PYGM: variants seen among roughly 807,000 people sequenced by gnomAD.
The protein encoded by PYGM is glycogen phosphorylase, muscle form.
A neutral mutation model predicts 99.3 loss-of-function variants in PYGM; 81 were observed. That is an observed-to-expected ratio of 0.82 (90% CI 0.68 to 0.98). The LOEUF is 0.98. PYGM is among the 50% of genes least tolerant of loss of function. The pLI, the probability that PYGM is intolerant of heterozygous loss-of-function variation, is 0.00. For missense variants in PYGM, 1,030 were observed against 1,158.1 expected (o/e 0.89, Z 1.61); for synonymous variants, 436 against 451.5 (o/e 0.97, Z 0.44).
intron 17 of PYGM, chr11:64,747,813 C>T (rs1225720527): frequency 1.5e-5 from 4 of 260,922 alleles, no homozygotes; most frequent in Admixed American, 9.8e-5. Flanking sequence ...CCGAGGTGGG[C>T]GGATCATCTG....
chr11:64,749,678 T>A (rs923032583), intron 17 of PYGM, among the ~76,000 whole-genome samples: 12 of 151,964 alleles, frequency 7.9e-5, no homozygotes, highest in East Asian at 5.8e-4. Context: ...TAAAATAAAA[T>A]TTTTTAATGT....
In PYGM at chr11:64,746,528, TG is replaced by T; in HGVS notation, c.*130del. On this transcript the variant is annotated 3_prime_UTR_variant, in exon 20 of 20. Transcript: ENST00000164139. ...ACGCTGGACACTGGGACATTGAGAG[TG>T]GGGAAAATGAGGGTTCCAGGAGGGG... 4 of 1,276,786 alleles carry T rather than the reference TG, an allele frequency of 3.1e-6. No individual in the cohort carries two copies. Among genetic ancestry groups the T allele is most frequent in the Non-Finnish European group, 3.3e-6 (3 of 898,318 alleles). The allele number at this position is 1,276,786 out of a possible 1,614,324, so 79.1% of individuals were successfully genotyped here.
chr11:64,751,590 T>C lies in PYGM; in HGVS notation c.1827+7A>G, dbSNP rs532747. The C allele has an allele frequency of 0.11, 171,145 of 1,613,936 alleles. 12,555 individuals carry two copies. The highest frequency in any genetic ancestry group is 0.38 in the East Asian group (16,862 of 44,866). Reference sequence around the variant, plus strand: ...CGGGAGCCCAGGGCTGGAGCCTGGCTTCTCACCTTCCCTCCAATCATCACA... The same window carrying C: ...CGGGAGCCCAGGGCTGGAGCCTGGCCTCTCACCTTCCCTCCAATCATCACA... On this transcript the variant is annotated splice_region_variant and intron_variant, in intron 15 of 19. Coordinates refer to ENST00000164139, the MANE Select transcript of PYGM (RefSeq NM_005609.4).
rs1416120916 is a variant in PYGM, at chr11:64,750,378, T to A, written c.2175A>T (p.Arg725Ser). ...RVEDVDKLDQRGYNAQEYYDR... is the reference protein window; with the variant it reads ...RVEDVDKLDQSGYNAQEYYDR... ...CCCGTGAACCCTGACCCCCATACCC[T>A]CTTTGGTCAAGCTTATCCACATCCT... The change falls in exon 17 of 20, where the codon AGA (arginine) becomes AGT (serine). Residue 725 changes from arginine (R) to serine (S), a missense_variant and splice_region_variant. Transcript: ENST00000164139. 6.2e-7 allele frequency: 1 copy of A among 1,613,974 alleles called. No homozygotes were observed. Among genetic ancestry groups the A allele is most frequent in the South Asian group, 1.1e-5 (1 of 91,084 alleles).
Position 64,755,398 on chromosome 11 carries a change from G to A in PYGM, c.773-43C>T, listed in dbSNP as rs369477375. The A allele has an allele frequency of 3.0e-5, 49 of 1,611,774 alleles. No homozygotes were observed. The highest frequency in any genetic ancestry group is 1.6e-4 in the Middle Eastern group (1 of 6,084). On this transcript the variant is annotated intron_variant, in intron 6 of 19. Coordinates refer to ENST00000164139, the MANE Select transcript of PYGM (RefSeq NM_005609.4). The surrounding 1 kb of genome is among the most constrained non-coding windows in gnomAD (Gnocchi z 4.1). ...GGACAGGGTAAGGCCTGCGCTGGGC[G>A]TGGCCGGCGGGCAAGCTGGGGTTGC...
intron 5 of PYGM, among the ~76,000 whole-genome samples, chr11:64,756,811 CT>C (rs1420929817): frequency 6.6e-6 from 1 of 151,740 alleles, no homozygotes. Flanking sequence ...GGTCTTTTTG[CT>C]TTTTGAAACA....
chr11:64,751,848 T>G, intron 14 of PYGM, 76 bp downstream of exon 14: 2 of 1,589,338 alleles, frequency 1.3e-6, no homozygotes, highest in Non-Finnish European at 1.7e-6. Context: ...AAAGGAGATG[T>G]TGGTTGGGCA....
At position 64,750,548 on chromosome 11, in the gene PYGM, T is replaced by G; in HGVS notation, c.2005A>C (p.Thr669Pro). ...PAADLSEQIS[T>P]AGTEASGTGN... The stretch of plus-strand genomic sequence containing the variant: ...GTGCCTGAGGCTTCAGTGCCCGCAG[T>G]GGAGATCTGCTCAGAGAGGTCTGCA... Residue 669 changes from threonine to proline, a missense_variant, in exon 17 of 20, where the codon ACT becomes CCT. Coordinates refer to ENST00000164139, the MANE Select transcript of PYGM (RefSeq NM_005609.4). The G allele has an allele frequency of 6.2e-7, 1 of 1,614,152 alleles. No individual in the cohort carries two copies. The highest frequency in any genetic ancestry group is 8.5e-7 in the Non-Finnish European group (1 of 1,180,022).
At position 64,755,644 on chromosome 11, in the gene PYGM, G is replaced by A; in HGVS notation, c.661-86C>T. 1.0e-6 allele frequency: 1 copy of A among 1,004,836 alleles called. No homozygotes were observed. The allele number at this position is 1,004,836 out of a possible 1,614,324, so 62.2% of individuals were successfully genotyped here. On this transcript the variant is annotated intron_variant, in intron 5 of 19. Transcript: ENST00000164139. This position sits in a 1 kb window ranked among gnomAD's most constrained non-coding sequence, Gnocchi z 4.1. The stretch of plus-strand genomic sequence containing the variant: ...GGCTGGGACTCAAGGCTTTATCCCT[G>A]CACTCTGCAGACCCAGGCTCTTGTC...
intron 17 of PYGM, 39 bp from the exon 18 acceptor site, chr11:64,747,397 G>T: frequency 6.2e-7 from 1 of 1,613,520 alleles, no homozygotes; most frequent in Middle Eastern, 1.7e-4. Flanking sequence ...CCGGAAAGGG[G>T]TTCCTGGCTC....
At chr11:64,751,568 G>A (rs772332658) in intron 15 of PYGM, 29 bp downstream of exon 15, 7 of 1,613,964 alleles carry the variant, frequency 4.3e-6, no homozygotes, top group African/African-American at 1.3e-5. Context: ...CAAAGGACGG[G>A]AGCCCAGGGC....
chr11:64,750,260 TGACCAAGACCTTGCTG>T, intron 17 of PYGM, 100 bp downstream of exon 17: 5 of 1,144,054 alleles, frequency 4.4e-6, no homozygotes, highest in Non-Finnish European at 6.6e-6. Context: ...CTGCTGGCCA[TGACCAAGACCTTGCTG>T]GGCCTGGACC....
intron 17 of PYGM, among the ~76,000 whole-genome samples, chr11:64,749,102 C>A (rs2058334724): frequency 6.8e-6 from 1 of 147,112 alleles, no homozygotes; most frequent in South Asian, 2.2e-4. Context: ...AAGCCCAGCA[C>A]TTGGGAGGCC....
rs763524554 is a variant in PYGM, at chr11:64,755,528, C to A, written c.691G>T (p.Val231Leu). ...ACAACATTGTTGCGATAGCCAGGCA[C>A]GGGCGTATCGTAGGGCATGGCCAGT... ...VVLAMPYDTPVPGYRNNVVNT... is the reference protein window; with the variant it reads ...VVLAMPYDTPLPGYRNNVVNT... Residue 231 changes from valine to leucine, a missense_variant, in exon 6 of 20, where the codon GTG becomes TTG. Val to Leu is a conservative substitution (Grantham distance 32). Coordinates refer to ENST00000164139, the MANE Select transcript of PYGM (RefSeq NM_005609.4). This position sits in a 1 kb window ranked among gnomAD's most constrained non-coding sequence, Gnocchi z 4.1. 2 of 1,614,066 alleles carry A rather than the reference C, an allele frequency of 1.2e-6. No individual in the cohort carries two copies. Among genetic ancestry groups the A allele is most frequent in the East Asian group, 4.5e-5 (2 of 44,878 alleles).
Position 64,753,095 on chromosome 11 carries a change from C to T in PYGM, c.1496G>A (p.Gly499Glu). The T allele has an allele frequency of 6.2e-7, 1 of 1,613,698 alleles. No homozygotes were observed. Among genetic ancestry groups the T allele is most frequent in the Non-Finnish European group, 8.5e-7 (1 of 1,179,592 alleles). Residue 499 changes from glycine (G) to glutamate (E), a missense_variant, in exon 12 of 20, where the codon GGG (glycine) becomes GAG (glutamate). By Grantham distance (98) the Gly-to-Glu change is moderately conservative (BLOSUM62 -2). Coordinates refer to ENST00000164139, the MANE Select transcript of PYGM (RefSeq NM_005609.4). ...PRRWLVLCNPGLAEVIAERIG... is the reference protein window; with the variant it reads ...PRRWLVLCNPELAEVIAERIG... ...CACCTCAGCAATGACCTCTGCCAGC[C>T]CGGGGTTACACAGAACCAGCCAGCG...
intron 10 of PYGM, 68 bp from the exon 11 acceptor site, chr11:64,753,750 C>G (rs976791274): frequency 1.9e-6 from 3 of 1,544,204 alleles, no homozygotes; most frequent in Non-Finnish European, 2.6e-6. Flanking sequence ...CAGCCCCACA[C>G]CCCCAGAGCT....
intron 17 of PYGM, 29 bp from the exon 18 acceptor site, chr11:64,747,387 C>T (rs2058322391): frequency 1.2e-6 from 2 of 1,613,932 alleles, no homozygotes; most frequent in Non-Finnish European, 1.7e-6. Context: ...GGTCAGCTCC[C>T]CGGAAAGGGG....
At chr11:64,751,797 A>C (rs2058358399) in intron 14 of PYGM, 127 bp downstream of exon 14, 1 of 1,531,046 alleles carries the variant, frequency 6.5e-7, no homozygotes, top group Non-Finnish European at 9.0e-7. Flanking sequence ...CCCATCTGTG[A>C]AATGGGGATA....
chr11:64,750,257 C>T (rs1325729916), intron 17 of PYGM, 119 bp downstream of exon 17: 13 of 1,094,886 alleles, frequency 1.2e-5, no homozygotes, highest in Non-Finnish European at 1.7e-5. Flanking sequence ...ATCCTGCTGG[C>T]CATGACCAAG....
Sources: allele counts gnomAD v4.1 joint callset (sites outside exome capture counted in the v4.1 genomes callset), GRCh38; gene constraint gnomAD v4.1.1; non-coding constraint Gnocchi (gnomAD v3.1); transcripts MANE v1.5; gene names NCBI Gene and HGNC (gene_info 2026-07-23, HGNC 2026-07-21).